KAT6A: variants seen among roughly 807,000 people sequenced by gnomAD.
The protein encoded by KAT6A is lysine acetyltransferase 6A, also known as histone acetyltransferase KAT6A.
In KAT6A, 9 loss-of-function variants were observed where a neutral mutation model predicts 198.4. The observed-to-expected ratio is 0.05, with a 90% CI of 0.03 to 0.08. The LOEUF is 0.08. Ranked by LOEUF, KAT6A falls within the 10% of genes least tolerant of loss-of-function variation. KAT6A has a pLI of 1.00. For synonymous variants in KAT6A, 890 were observed against 883.0 expected, an observed-to-expected ratio of 1.01 and a Z score of -0.14; for missense variants, 2,077 against 2,509.9, an observed-to-expected ratio of 0.83 and a Z score of 3.69.
intron 2 of KAT6A, among the ~76,000 whole-genome samples, chr8:42,011,896 A>G (rs958697481): frequency 3.5e-5 from 5 of 141,568 alleles, no homozygotes; most frequent in African/African-American, 5.2e-5. Flanking sequence ...AAAGAAGAGG[A>G]AAAAAAAAAA....
intron 8 of KAT6A, among the ~76,000 whole-genome samples, chr8:41,959,622 A>G (rs1823093048): frequency 6.6e-6 from 1 of 152,220 alleles, no homozygotes; most frequent in African/African-American, 2.4e-5. Context: ...GGATAAACCA[A>G]ATGTGGTACA....
chr8:41,975,295 T>A (rs866593726), intron 7 of KAT6A, among the ~76,000 whole-genome samples: 8 of 152,092 alleles, frequency 5.3e-5, no homozygotes, highest in Admixed American at 3.9e-4. Context: ...ACTGTCCTTT[T>A]AAAGCACAAA....
Position 41,974,727 on chromosome 8 carries a change from C to T in KAT6A, c.1459G>A (p.Asp487Asn). 1 of 1,608,812 alleles carries T rather than the reference C, an allele frequency of 6.2e-7. No homozygotes were observed. The highest frequency in any genetic ancestry group is 1.7e-5 in the Admixed American group (1 of 59,384). ...ACCTGCAGTGCTTGTTCTTGGATAT[C>T]ACGAAATAATTCCATATCTTTCTCA... is the stretch of plus-strand genomic sequence containing the variant. ...MTEKDMELFRDIQEQALQKVG... is the reference protein window; with the variant it reads ...MTEKDMELFRNIQEQALQKVG... The change falls in exon 8 of 17, where the codon GAT becomes AAT. Residue 487 changes from aspartate to asparagine, a missense_variant. By Grantham distance (23) the Asp-to-Asn change is conservative. Around this residue, in one of 13 missense-constraint regions of KAT6A, gnomAD observed 206 missense variants for 214.9 expected, o/e 0.96. Coordinates refer to ENST00000265713, the MANE Select transcript of KAT6A (RefSeq NM_006766.5).
chr8:41,949,034 ATCACATCTTAATATATG>A (rs1345614200), intron 10 of KAT6A, among the ~76,000 whole-genome samples, 171 bp downstream of exon 10: 1 of 152,250 alleles, frequency 6.6e-6, no homozygotes, highest in African/African-American at 2.4e-5. Context: ...ATGTACTTTT[ATCACATCTTAATATATG>A]CAAAATCAAC....
At position 41,934,311 on chromosome 8, in the gene KAT6A, A is replaced by G; in HGVS notation, c.3909T>C (p.Asp1303=). The change falls in exon 17 of 17, where the codon GAT becomes GAC. Residue 1303 remains aspartate (D), a synonymous_variant. Transcript: ENST00000265713. The part of the protein sequence containing the change: ...LEEPEPEEEE[D]AAAETAQNDD... ...CATTCTGGGCAGTCTCTGCAGCTGC[A>G]TCTTCCTCCTCCTCTGGCTCTGGCT... is the stretch of plus-strand genomic sequence containing the variant. 3 of 1,613,854 alleles carry G rather than the reference A, an allele frequency of 1.9e-6. No individual in the cohort carries two copies. Among genetic ancestry groups the G allele is most frequent in the Non-Finnish European group, 2.5e-6 (3 of 1,179,960 alleles).
intron 2 of KAT6A, among the ~76,000 whole-genome samples, chr8:42,048,148 C>A (rs1353173656): frequency 6.6e-6 from 1 of 151,914 alleles, no homozygotes; most frequent in African/African-American, 2.4e-5. Flanking sequence ...TAAATAAGTT[C>A]TTTTAGTCAG....
Position 41,977,252 on chromosome 8 carries a change from T to C in KAT6A, c.1119A>G (p.Gln373=), listed in dbSNP as rs367844746. 4.4e-5 allele frequency: 71 copies of C among 1,614,216 alleles called. No homozygotes were observed. The highest frequency in any genetic ancestry group is 5.5e-5 in the Non-Finnish European group (65 of 1,180,018). ...GRKRKITLSS[Q]SASSSSEEGY... is the part of the protein sequence containing the mutation. ...CTTCTTCTGATGATGATGATGCTGA[T>C]TGGCTGGAAAGAGTGATTTTTCGTT... The change falls in exon 7 of 17, where the codon CAA becomes CAG. Residue 373 remains glutamine, a synonymous_variant. Coordinates refer to ENST00000265713, the MANE Select transcript of KAT6A (RefSeq NM_006766.5).
At chr8:42,004,870 A>G (rs1451917395) in intron 2 of KAT6A, among the ~76,000 whole-genome samples, 1 of 151,950 alleles carries the variant, frequency 6.6e-6, no homozygotes, top group African/African-American at 2.4e-5. Flanking sequence ...AGAGGTTGCA[A>G]TGAGCCGAGA....
chr8:41,981,745 GTC>G lies in KAT6A; in HGVS notation c.825+92_825+93del, dbSNP rs1426507844. ...TATTCTAAATGCTACTGGACCAAGTGTCTGAAAAATAACCAGTCATACTTAGA... is the reference window on the plus strand; with the variant it reads ...TATTCTAAATGCTACTGGACCAAGTGTGAAAAATAACCAGTCATACTTAGA... On this transcript the variant is annotated intron_variant, in intron 4 of 16. Coordinates refer to ENST00000265713, the MANE Select transcript of KAT6A (RefSeq NM_006766.5). The G allele has an allele frequency of 2.0e-5, 15 of 755,188 alleles. No individual in the cohort carries two copies. In the African/African-American group the frequency reaches 2.4e-4, roughly 12 times the overall value. 46.8% of individuals were successfully genotyped at this position (755,188 alleles called of 1,614,324 possible).
Position 41,941,330 on chromosome 8 carries a change from G to C in KAT6A, c.2551C>G (p.Leu851Val), listed in dbSNP as rs998927896. 4 of 1,613,388 alleles carry C rather than the reference G, an allele frequency of 2.5e-6. No homozygotes were observed. In the African/African-American group the frequency reaches 5.3e-5, roughly 22 times the overall value. Residue 851 changes from leucine (L) to valine (V), a missense_variant, in exon 15 of 17, where the codon CTT becomes GTT. By Grantham distance (32) the Leu-to-Val change is conservative (BLOSUM62 1). This residue lies in a region of KAT6A where 301 missense variants were observed against 272.2 expected (regional missense o/e 1.11). Transcript: ENST00000265713. The stretch of plus-strand genomic sequence containing the variant: ...TTTGCAGGAAGACTATCATGAGGAA[G>C]GACTTGTTTGCTCAAACGTGTAGAA... ...VSSTRLSKQV[L>V]PHDSLPANSQ... is the part of the protein sequence containing the mutation.
intron 2 of KAT6A, among the ~76,000 whole-genome samples, chr8:42,001,810 A>C (rs914942544): frequency 1.3e-5 from 2 of 152,210 alleles, no homozygotes; most frequent in Non-Finnish European, 2.9e-5. Flanking sequence ...GTTGTCAGCT[A>C]TATCTAGGCT....
intron 2 of KAT6A, among the ~76,000 whole-genome samples, chr8:42,045,759 G>A (rs1802225676): frequency 6.6e-6 from 1 of 150,844 alleles, no homozygotes; most frequent in African/African-American, 2.4e-5. Flanking sequence ...GGTCGCTTGA[G>A]GTCAGGAGTT....
chr8:41,936,769 A>G (rs1821875258), intron 16 of KAT6A, among the ~76,000 whole-genome samples: 1 of 152,252 alleles, frequency 6.6e-6, no homozygotes, highest in African/African-American at 2.4e-5. Flanking sequence ...CAGATGTGAC[A>G]CAAGTTCCAA....
chr8:41,967,244 C>G (rs1300881903), intron 8 of KAT6A, among the ~76,000 whole-genome samples: 1 of 139,958 alleles, frequency 7.1e-6, no homozygotes, highest in Non-Finnish European at 1.6e-5. Context: ...GAACTGAATA[C>G]AAACGCGTCT....
At chr8:41,937,693 AT>A (rs958299132) in intron 15 of KAT6A, 125 bp from the exon 16 acceptor site, 2 of 662,710 alleles carry the variant, frequency 3.0e-6, no homozygotes, top group African/African-American at 1.8e-5. Context: ...TTGCCAAAAA[AT>A]ATTTTGAATA....
At position 42,048,655 on chromosome 8, in the gene KAT6A, T is replaced by C. The variant is rs1475633678; in HGVS notation, c.323A>G (p.Glu108Gly). The change falls in exon 2 of 17, where the codon GAG becomes GGG. Residue 108 changes from glutamate to glycine, a missense_variant. Coordinates refer to ENST00000265713, the MANE Select transcript of KAT6A (RefSeq NM_006766.5). ...TGAGCCACCAGACTCTGCCAAGCCC[T>C]CAACTGCCCGCTTTATCAGTTTATT... ...DWNKLIKRAV[E>G]GLAESGGSTL... 1 of 1,614,228 alleles carries C rather than the reference T, an allele frequency of 6.2e-7. No homozygotes were observed.
At chr8:42,037,169 T>G (rs1210097918) in intron 2 of KAT6A, among the ~76,000 whole-genome samples, 1 of 152,216 alleles carries the variant, frequency 6.6e-6, no homozygotes, top group Non-Finnish European at 1.5e-5. Flanking sequence ...GTATTTATTT[T>G]TTAAGCTTCC....
In KAT6A at chr8:41,977,143, T is replaced by A; in HGVS notation, c.1228A>T (p.Ile410Phe). Reference sequence around the variant, plus strand: ...GTAAAAAATTTGGTAAGGCCATCAATGAGCCCTTTGGTTTTCTTGTTGAAC... The same window carrying A: ...GTAAAAAATTTGGTAAGGCCATCAAAGAGCCCTTTGGTTTTCTTGTTGAAC... The part of the protein sequence containing the change: ...LKFNKKTKGL[I>F]DGLTKFFTPS... Residue 410 changes from isoleucine (I) to phenylalanine (F), a missense_variant, in exon 7 of 17, where the codon ATT (isoleucine) becomes TTT (phenylalanine). By Grantham distance (21) the Ile-to-Phe change is conservative. Coordinates refer to ENST00000265713, the MANE Select transcript of KAT6A (RefSeq NM_006766.5). The A allele has an allele frequency of 6.2e-7, 1 of 1,614,198 alleles. No individual in the cohort carries two copies. The highest frequency in any genetic ancestry group is 1.3e-5 in the African/African-American group (1 of 75,056).
At position 42,004,929 on chromosome 8, in the gene KAT6A, T is replaced by TA. The variant is rs1438312857; in HGVS notation, c.601-17367dup. 7.2e-3 allele frequency among the ~76,000 whole-genome samples: 1,028 copies of TA among 141,916 alleles called. 8 individuals carry two copies. The highest frequency in any genetic ancestry group is 0.023 in the African/African-American group (904 of 38,784). The allele number at this position is 141,916 out of a possible 152,430, so 93.1% of individuals were successfully genotyped here. Reference sequence around the variant, plus strand: ...GGCGACAAGAGTGAAACTCCGTCTCTAAAAAAAAAAAAGGCACTATTTCTG... The same window carrying TA: ...GGCGACAAGAGTGAAACTCCGTCTCTAAAAAAAAAAAAAGGCACTATTTCTG... On this transcript the variant is annotated intron_variant, in intron 2 of 16. Transcript: ENST00000265713.
Sources: allele counts gnomAD v4.1 joint callset (sites outside exome capture counted in the v4.1 genomes callset), GRCh38; gene constraint gnomAD v4.1.1; regional missense constraint gnomAD v4.1.1; transcripts MANE v1.5; gene names NCBI Gene and HGNC (gene_info 2026-07-23, HGNC 2026-07-21).